IFT74: variants seen among roughly 807,000 people sequenced by gnomAD.
The protein encoded by IFT74 is intraflagellar transport protein 74 homolog.
A neutral mutation model predicts 96.7 loss-of-function variants in IFT74; 92 were observed. The observed-to-expected ratio is 0.95, with a 90% CI of 0.80 to 1.13. The LOEUF is 1.13. Ranked by LOEUF, IFT74 falls within the 50% of genes most tolerant of loss-of-function variation. The probability of loss-of-function intolerance (pLI) is 0.00; values close to 1 mark genes in which losing one functional copy is unlikely to be tolerated. For missense variants in IFT74, 811 were observed against 698.2 expected (o/e 1.16, Z -1.82); for synonymous variants, 223 against 213.2 (o/e 1.05, Z -0.40).
chr9:27,043,486 T>C (rs1243907636), intron 13 of IFT74, among the ~76,000 whole-genome samples: 1 of 152,208 alleles, frequency 6.6e-6, no homozygotes, highest in African/African-American at 2.4e-5. Context: ...GCTCAGTTTT[T>C]CTTACAGTGA....
intron 8 of IFT74, among the ~76,000 whole-genome samples, chr9:26,992,500 C>CT (rs1335131860): frequency 6.6e-6 from 1 of 152,012 alleles, no homozygotes; most frequent in Non-Finnish European, 1.5e-5. Flanking sequence ...CAAGACCAGC[C>CT]TGGGCAATGT....
chr9:26,965,407 C>A (rs529374031), intron 2 of IFT74, among the ~76,000 whole-genome samples: 1 of 152,076 alleles, frequency 6.6e-6, no homozygotes, highest in South Asian at 2.1e-4. Flanking sequence ...TTGTTAAAGT[C>A]AGATTTTCCT....
chr9:27,018,688 G>A lies in IFT74; in HGVS notation c.974+1G>A. ...AGGAAATAGCCAGCATGGAAAGACA[G>A]TAAGTATCTTTATACTAGGACATTT... On this transcript the variant is annotated splice_donor_variant, in intron 12 of 19. Coordinates refer to ENST00000380062, the MANE Select transcript of IFT74 (RefSeq NM_025103.4). LOFTEE classifies it high-confidence loss of function. 2 of 1,531,006 alleles carry A rather than the reference G, an allele frequency of 1.3e-6. No homozygotes were observed. The highest frequency in any genetic ancestry group is 2.3e-5 in the East Asian group (1 of 43,952). 94.8% of individuals were successfully genotyped at this position (1,531,006 alleles called of 1,614,324 possible).
rs1271608649 is a variant in IFT74, at chr9:27,062,759, T to C, written c.*23T>C. 2.4e-6 allele frequency: 3 copies of C among 1,228,510 alleles called. No homozygotes were observed. The allele number at this position is 1,228,510 out of a possible 1,614,324, so 76.1% of individuals were successfully genotyped here. ...TGAGTTTAAGTCCACTGAAAGTCTC[T>C]AAGGAAGTATCCTCTTGCTGCTAAA... is the stretch of plus-strand genomic sequence containing the variant. On this transcript the variant is annotated 3_prime_UTR_variant, in exon 20 of 20. Transcript: ENST00000380062.
intron 19 of IFT74, among the ~76,000 whole-genome samples, chr9:27,061,501 C>CA (rs1319758000): frequency 6.6e-6 from 1 of 151,992 alleles, no homozygotes; most frequent in Non-Finnish European, 1.5e-5. Context: ...AGGCTGGTCT[C>CA]AAACTCCTAG....
chr9:27,056,374 A>G lies in IFT74; in HGVS notation c.1538A>G (p.Asn513Ser), dbSNP rs763769059. 3.8e-6 allele frequency: 6 copies of G among 1,595,032 alleles called. No individual in the cohort carries two copies. Among genetic ancestry groups the G allele is most frequent in the Non-Finnish European group, 4.3e-6 (5 of 1,166,720 alleles). ...AGAATGATATTATCAACCCACAGAA[A>G]TGCCTTTAAGAAAATAATGGAGAAG... ...QERMILSTHR[N>S]AFKKIMEKQN... Residue 513 changes from asparagine to serine, a missense_variant, in exon 18 of 20, where the codon AAT (asparagine) becomes AGT (serine). Coordinates refer to ENST00000380062, the MANE Select transcript of IFT74 (RefSeq NM_025103.4).
At chr9:27,024,878 T>C (rs2131634504) in intron 12 of IFT74, among the ~76,000 whole-genome samples, 1 of 150,366 alleles carries the variant, frequency 6.7e-6, no homozygotes. Flanking sequence ...CATTGGAAAG[T>C]TTCAACGATA....
upstream of IFT74, chr9:26,955,832 T>TA (rs1221846411): frequency 7.2e-6 from 1 of 138,274 alleles, no homozygotes; most frequent in African/African-American, 2.8e-5. Context: ...AAGTAGTTCT[T>TA]AAATTAAAAA....
intron 8 of IFT74, among the ~76,000 whole-genome samples, chr9:27,008,780 G>GGAAATAGA (rs1239619395): frequency 2.0e-5 from 3 of 152,140 alleles, no homozygotes; most frequent in African/African-American, 7.2e-5. Context: ...TGGAGAGTAA[G>GGAAATAGA]GAAATAGAGG....
chr9:27,024,918 G>A (rs1289437737), intron 12 of IFT74, among the ~76,000 whole-genome samples: 1 of 150,546 alleles, frequency 6.6e-6, no homozygotes, highest in African/African-American at 2.4e-5. Flanking sequence ...AAGAACTTCA[G>A]AGCTCTAAGA....
chr9:27,048,193 C>T lies in IFT74; in HGVS notation c.1252C>T (p.Leu418=). The part of the protein sequence containing the change: ...EQISSITNQE[L]KMMQDDLNFK... ...GATATCCTCTATCACCAATCAAGAG[C>T]TAAAGATGATGCAGGATGACCTCAA... The change falls in exon 16 of 20, where the codon CTA becomes TTA. Residue 418 remains leucine (L), a synonymous_variant. Transcript: ENST00000380062. The T allele has an allele frequency of 6.3e-7, 1 of 1,599,648 alleles. No homozygotes were observed. Among genetic ancestry groups the T allele is most frequent in the South Asian group, 1.1e-5 (1 of 90,278 alleles).
At position 27,064,494 on chromosome 9, in the gene IFT74, T is replaced by G. The variant is rs2131723052; in HGVS notation, c.*1758T>G. Among the ~76,000 whole-genome samples, 1 of 152,234 alleles carries G rather than the reference T, an allele frequency of 6.6e-6. No homozygotes were observed. The highest frequency in any genetic ancestry group is 2.4e-5 in the African/African-American group (1 of 41,562). The stretch of plus-strand genomic sequence containing the variant: ...TCATTCATAAAGTATTACTGTAATT[T>G]GGTGATTAGGAGCCTTTATGGATAT... On this transcript the variant is annotated 3_prime_UTR_variant, in exon 20 of 20. Coordinates refer to ENST00000380062, the MANE Select transcript of IFT74 (RefSeq NM_025103.4).
At chr9:27,058,105 TTCAAA>T (rs984900303) in intron 18 of IFT74, among the ~76,000 whole-genome samples, 4 of 151,982 alleles carry the variant, frequency 2.6e-5, no homozygotes, top group African/African-American at 9.7e-5. Context: ...TTTTTTTTTT[TTCAAA>T]CAGAGTCTCA....
In IFT74 at chr9:27,066,026, T is replaced by C. The variant is rs1322219686; in HGVS notation, c.*3290T>C. ...AATGAAGAAAGTAAGTTACTTGTGA[T>C]CTCACCAGTCTTTTTAGATACGCAT... is the stretch of plus-strand genomic sequence containing the variant. On this transcript the variant is annotated 3_prime_UTR_variant, in exon 20 of 20. Transcript: ENST00000380062. 6.6e-6 allele frequency among the ~76,000 whole-genome samples: 1 copy of C among 152,220 alleles called. No individual in the cohort carries two copies. The highest frequency in any genetic ancestry group is 1.5e-5 in the Non-Finnish European group (1 of 68,040).
chr9:26,976,753 A>G (rs1052739991), intron 2 of IFT74: 3 of 456,018 alleles, frequency 6.6e-6, no homozygotes, highest in East Asian at 7.0e-5. Context: ...ACCTTGCCAT[A>G]TCTCACATCT....
chr9:27,015,763 G>A (rs1829307886), intron 10 of IFT74, among the ~76,000 whole-genome samples: 1 of 152,166 alleles, frequency 6.6e-6, no homozygotes, highest in African/African-American at 2.4e-5. Context: ...TTACATGTCA[G>A]ATCCTTAGTT....
chr9:27,020,485 T>C (rs1374057097), intron 12 of IFT74, among the ~76,000 whole-genome samples: 4 of 150,542 alleles, frequency 2.7e-5, no homozygotes, highest in African/African-American at 9.7e-5. Context: ...TTTTTTTTCT[T>C]TTTTTTTGAG....
At chr9:26,947,444 T>A (rs879489590) in intron 1 of IFT74, 6 of 175,658 alleles carry the variant, frequency 3.4e-5, no homozygotes, top group Non-Finnish European at 7.2e-5. Flanking sequence ...CTCTTCCGAC[T>A]CCGGGCCCAA....
chr9:26,963,286 A>G (rs1826450500), intron 2 of IFT74, among the ~76,000 whole-genome samples: 1 of 152,000 alleles, frequency 6.6e-6, no homozygotes, highest in South Asian at 2.1e-4. Flanking sequence ...AAGGACATGA[A>G]CTCATCATTT....
Sources: allele counts gnomAD v4.1 joint callset (sites outside exome capture counted in the v4.1 genomes callset), GRCh38; gene constraint gnomAD v4.1.1; transcripts MANE v1.5; gene names NCBI Gene and HGNC (gene_info 2026-07-23, HGNC 2026-07-21).